Variants in HIVEP3 observed in about 807,000 individuals in gnomAD.
The protein encoded by HIVEP3 is transcription factor HIVEP3.
A neutral mutation model predicts 152.8 loss-of-function variants in HIVEP3; 49 were observed. The ratio of observed to expected loss-of-function variants is 0.32; its 90% CI spans 0.26 to 0.41. The LOEUF is 0.41. HIVEP3 is among the 10% of genes least tolerant of loss of function. The pLI, the probability that HIVEP3 is intolerant of heterozygous loss-of-function variation, is 1.00. For synonymous variants in HIVEP3, 1,269 were observed against 1,289.0 expected, an observed-to-expected ratio of 0.98 and a Z score of 0.33; for missense variants, 2,790 against 3,103.3, an observed-to-expected ratio of 0.90 and a Z score of 2.40.
intron 2 of HIVEP3, among the ~76,000 whole-genome samples, chr1:41,686,228 C>A (rs182908602): frequency 6.6e-6 from 1 of 152,050 alleles, no homozygotes; most frequent in Admixed American, 6.5e-5. Flanking sequence ...CACACCACCA[C>A]GCCAGGCTAA....
At chr1:41,544,844 T>TATC (rs1558046275) in intron 5 of HIVEP3, among the ~76,000 whole-genome samples, 5 of 11,846 alleles carry the variant, frequency 4.2e-4, no homozygotes, top group Admixed American at 8.6e-4. Flanking sequence ...CCACCACCAC[T>TATC]ACCACCACCA....
Position 41,580,232 on chromosome 1 carries a change from A to G in HIVEP3, c.4566T>C (p.His1522=). The G allele has an allele frequency of 6.2e-7, 1 of 1,613,148 alleles. No homozygotes were observed. Among genetic ancestry groups the G allele is most frequent in the Non-Finnish European group, 8.5e-7 (1 of 1,179,466 alleles). ...AAGCTTCTGAGCCTGGGGCTGTCCC[A>G]TGGGACAATGCAGGGTGAGGGAGGG... ...IPPLPHPALS[H]GTAPGSEALK... is the part of the protein sequence containing the mutation. The change falls in exon 4 of 9, where the codon CAT becomes CAC. Residue 1522 remains histidine (H), a synonymous_variant. Coordinates refer to ENST00000372583, the MANE Select transcript of HIVEP3 (RefSeq NM_024503.5).
At position 41,583,251 on chromosome 1, in the gene HIVEP3, G is replaced by A; in HGVS notation, c.1547C>T (p.Thr516Ile). 6.2e-7 allele frequency: 1 copy of A among 1,613,346 alleles called. No homozygotes were observed. The highest frequency in any genetic ancestry group is 1.7e-4 in the Middle Eastern group (1 of 6,058). ...REPLSSHSEK[T>I]KPEQSLLSLQ... ...GCTCAGCAGTGATTGTTCAGGCTTG[G>A]TTTTCTCACTGTGGGATGACAGGGG... Residue 516 changes from threonine (T) to isoleucine (I), a missense_variant, in exon 4 of 9, where the codon ACC becomes ATC. Physicochemically the swap from Thr to Ile is moderately conservative, Grantham distance 89. This residue lies in a region of HIVEP3 where 134 missense variants were observed against 242.5 expected (regional missense o/e 0.55). Coordinates refer to ENST00000372583, the MANE Select transcript of HIVEP3 (RefSeq NM_024503.5). This position sits in a 1 kb window ranked among gnomAD's most constrained non-coding sequence, Gnocchi z 6.9.
chr1:41,945,833 T>C (rs1203093316), intron 1 of HIVEP3, among the ~76,000 whole-genome samples: 1 of 152,134 alleles, frequency 6.6e-6, no homozygotes, highest in East Asian at 1.9e-4. Flanking sequence ...GAAGCATAGC[T>C]CTCTGTCACC....
intron 1 of HIVEP3, among the ~76,000 whole-genome samples, chr1:41,904,158 A>C (rs898712393): frequency 5.9e-5 from 9 of 151,922 alleles, no homozygotes; most frequent in African/African-American, 2.2e-4. Context: ...CGGCCTCCCA[A>C]AGTCTTGGGA....
chr1:41,658,581 C>G (rs193123026), intron 2 of HIVEP3, among the ~76,000 whole-genome samples: 447 of 152,204 alleles, frequency 2.9e-3, no homozygotes, highest in Admixed American at 6.0e-3. Flanking sequence ...CTTCACCCCC[C>G]CCATGAGCCT....
intron 2 of HIVEP3, among the ~76,000 whole-genome samples, chr1:41,694,601 A>T (rs1646244794): frequency 6.6e-6 from 1 of 152,222 alleles, no homozygotes; most frequent in Admixed American, 6.5e-5. Context: ...AACGTGTCAG[A>T]ATGAGAGAAG....
intron 2 of HIVEP3, among the ~76,000 whole-genome samples, chr1:41,656,866 G>C (rs897044113): frequency 1.3e-5 from 2 of 152,158 alleles, no homozygotes; most frequent in Non-Finnish European, 2.9e-5. Flanking sequence ...TCTCCTGCCC[G>C]ACCACTCCAT....
intron 3 of HIVEP3, among the ~76,000 whole-genome samples, chr1:41,608,978 G>A (rs1644860517): frequency 6.6e-6 from 1 of 151,488 alleles, no homozygotes; most frequent in South Asian, 2.1e-4. Flanking sequence ...CAGTTACTTG[G>A]AAGGTTGAGG....
intron 1 of HIVEP3, among the ~76,000 whole-genome samples, chr1:41,970,265 T>C (rs983389162): frequency 6.6e-6 from 1 of 152,134 alleles, no homozygotes; most frequent in Non-Finnish European, 1.5e-5. Context: ...ACTATTACAA[T>C]AGCAAAGACA....
At chr1:41,549,591 T>C (rs7548653) in intron 5 of HIVEP3, among the ~76,000 whole-genome samples, 85,420 of 152,034 alleles carry the variant, frequency 0.56, 24,359 homozygotes, top group Middle Eastern at 0.65. Flanking sequence ...TGGTATCTCA[T>C]TGTGGTTTTG....
chr1:41,827,618 C>A (rs1053209899), intron 1 of HIVEP3, among the ~76,000 whole-genome samples: 18 of 152,142 alleles, frequency 1.2e-4, no homozygotes, highest in African/African-American at 4.3e-4. Context: ...GAATACTGCC[C>A]TTTATTTGAG....
chr1:41,661,762 C>G (rs888998059), intron 2 of HIVEP3, among the ~76,000 whole-genome samples: 5 of 152,226 alleles, frequency 3.3e-5, no homozygotes, highest in Admixed American at 6.5e-5. Flanking sequence ...GTGAGCGCCG[C>G]GCCGGGGTGA....
intron 1 of HIVEP3, among the ~76,000 whole-genome samples, chr1:41,813,535 G>A (rs543847467): frequency 4.6e-5 from 7 of 152,272 alleles, no homozygotes; most frequent in Admixed American, 2.6e-4. Context: ...TAACAGGTGC[G>A]ACTTCTCTCC....
At chr1:41,540,072 G>A (rs1056323236) in intron 5 of HIVEP3, among the ~76,000 whole-genome samples, 1 of 152,216 alleles carries the variant, frequency 6.6e-6, no homozygotes, top group African/African-American at 2.4e-5. Flanking sequence ...AAGGAAAGGT[G>A]TACTGTCAGA....
chr1:41,738,355 G>A (rs1272815552), intron 1 of HIVEP3, among the ~76,000 whole-genome samples: 1 of 152,198 alleles, frequency 6.6e-6, no homozygotes, highest in Non-Finnish European at 1.5e-5. Flanking sequence ...GCCTCAGCAC[G>A]GAGCCATGGG....
chr1:41,656,836 C>A (rs1454606448), intron 2 of HIVEP3, among the ~76,000 whole-genome samples: 1 of 152,206 alleles, frequency 6.6e-6, no homozygotes, highest in African/African-American at 2.4e-5. Context: ...TCAAGTTCCT[C>A]CTGGTAAGGA....
chr1:41,631,221 T>C (rs1645189422), intron 2 of HIVEP3, among the ~76,000 whole-genome samples: 1 of 152,144 alleles, frequency 6.6e-6, no homozygotes, highest in Admixed American at 6.5e-5. Context: ...GAATGTGGCT[T>C]CCAGGGCCAG....
intron 1 of HIVEP3, among the ~76,000 whole-genome samples, chr1:41,967,275 A>C (rs1645204614): frequency 6.6e-6 from 1 of 152,198 alleles, no homozygotes; most frequent in East Asian, 1.9e-4. Flanking sequence ...ACTTACTCTA[A>C]AATCTATCAC....
Sources: allele counts gnomAD v4.1 joint callset (sites outside exome capture counted in the v4.1 genomes callset), GRCh38; gene constraint gnomAD v4.1.1; regional missense constraint gnomAD v4.1.1; non-coding constraint Gnocchi (gnomAD v3.1); transcripts MANE v1.5; gene names NCBI Gene and HGNC (gene_info 2026-07-23, HGNC 2026-07-21).